Variants in ROR1 observed in about 807,000 individuals in gnomAD.
ROR1 encodes the protein inactive tyrosine-protein kinase transmembrane receptor ROR1.
A neutral mutation model predicts 78.8 loss-of-function variants in ROR1; 19 were observed. The observed-to-expected ratio is 0.24, with a 90% CI of 0.17 to 0.35. The LOEUF is 0.35. ROR1 is among the 10% of genes least tolerant of loss of function. The probability of loss-of-function intolerance (pLI) is 1.00; values close to 1 mark genes in which losing one functional copy is unlikely to be tolerated. For missense variants in ROR1, 917 were observed against 1,177.8 expected, an observed-to-expected ratio of 0.78 and a Z score of 3.24; for synonymous variants, 386 against 433.6, an observed-to-expected ratio of 0.89 and a Z score of 1.36.
chr1:64,000,257 C>T (rs1052835576), intron 1 of ROR1, among the ~76,000 whole-genome samples: 5 of 152,076 alleles, frequency 3.3e-5, no homozygotes, highest in African/African-American at 1.2e-4. Flanking sequence ...CCGAGATGTC[C>T]ACAGCTACTG....
intron 2 of ROR1, among the ~76,000 whole-genome samples, chr1:64,022,906 T>C (rs1557613532): frequency 1.3e-5 from 2 of 152,108 alleles, no homozygotes; most frequent in East Asian, 3.9e-4. Flanking sequence ...TTTTTGTTTG[T>C]GGGGGTTTTG....
At chr1:64,121,059 C>CTTTTTTTTTTTTTTTTTTTTTTTTTTTTT (rs200292093) in intron 4 of ROR1, among the ~76,000 whole-genome samples, 1 of 82,010 alleles carries the variant, frequency 1.2e-5, no homozygotes, top group Non-Finnish European at 2.2e-5. Context: ...GGAGATACCC[C>CTTTTTTTTTTTTTTTTTTTTTTTTTTTTT]TTTTTTTTTT....
chr1:63,844,687 T>A lies in ROR1; in HGVS notation c.91+70179T>A, dbSNP rs116725066. ...AGGTGAGAATTAGGCCCTATAGGAG[T>A]CCAGTGTAGGGAGTTTGCTTGTTGA... On this transcript the variant is annotated intron_variant, in intron 1 of 8. Transcript: ENST00000371079. 3.1e-3 allele frequency among the ~76,000 whole-genome samples: 476 copies of A among 151,990 alleles called. 2 individuals are homozygous for A. The highest frequency in any genetic ancestry group is 0.011 in the African/African-American group (455 of 41,436).
At chr1:63,934,025 G>C (rs1371182496) in intron 1 of ROR1, among the ~76,000 whole-genome samples, 1 of 152,214 alleles carries the variant, frequency 6.6e-6, no homozygotes, top group Non-Finnish European at 1.5e-5. Context: ...CCTCCAGCTA[G>C]CTGCTGCTTT....
intron 4 of ROR1, 40 bp from the exon 5 acceptor site, chr1:64,137,329 T>TG: frequency 6.2e-7 from 1 of 1,611,924 alleles, no homozygotes; most frequent in Non-Finnish European, 8.5e-7. Flanking sequence ...CCTGTATGTA[T>TG]GTGGTGCATC....
chr1:63,931,046 C>G (rs1645747208), intron 1 of ROR1, among the ~76,000 whole-genome samples: 1 of 152,124 alleles, frequency 6.6e-6, no homozygotes, highest in Non-Finnish European at 1.5e-5. Context: ...CCTGGGGAGG[C>G]CAAGAAAGGC....
At chr1:64,107,974 A>G (rs986891774) in intron 4 of ROR1, among the ~76,000 whole-genome samples, 1 of 152,058 alleles carries the variant, frequency 6.6e-6, no homozygotes, top group Non-Finnish European at 1.5e-5. Flanking sequence ...AATAAATGAC[A>G]TGTTTAATTA....
chr1:63,961,917 T>C (rs994701229), intron 1 of ROR1, among the ~76,000 whole-genome samples: 1 of 152,214 alleles, frequency 6.6e-6, no homozygotes, highest in Non-Finnish European at 1.5e-5. Flanking sequence ...TTGATCACTA[T>C]GCATTGTGTA....
At chr1:64,169,138 A>G (rs1390810676) in intron 8 of ROR1, among the ~76,000 whole-genome samples, 1 of 152,236 alleles carries the variant, frequency 6.6e-6, no homozygotes, top group African/African-American at 2.4e-5. Flanking sequence ...GCTTCCAAAG[A>G]GAAAAAGGAC....
At chr1:63,785,787 A>G (rs531374797) in intron 1 of ROR1, among the ~76,000 whole-genome samples, 24 of 152,222 alleles carry the variant, frequency 1.6e-4, no homozygotes, top group African/African-American at 5.8e-4. Context: ...CAGCTTCCCA[A>G]AGTGCTGGGA....
At chr1:63,843,489 G>A in intron 1 of ROR1, 1 of 761,564 alleles carries the variant, frequency 1.3e-6, no homozygotes, top group Admixed American at 1.8e-5. Flanking sequence ...GGTGGTGTAG[G>A]GGTCGTCGAT....
chr1:64,177,911 G>A lies in ROR1; in HGVS notation c.1870G>A (p.Gly624Arg), dbSNP rs55832740. ...CCTTGCAGCTCGCAATATTTTAATC[G>A]GAGAGCAACTTCATGTAAAGATTTC... ...KDLAARNILI[G>R]EQLHVKISDL... The change falls in exon 9 of 9, where the codon GGA becomes AGA. Residue 624 changes from glycine (G) to arginine (R), a missense_variant. Transcript: ENST00000371079. The A allele has an allele frequency of 2.2e-5, 36 of 1,613,990 alleles. No homozygotes were observed. Among genetic ancestry groups the A allele is most frequent in the South Asian group, 8.8e-5 (8 of 91,066 alleles).
chr1:64,145,065 T>G (rs1005781112), intron 7 of ROR1, among the ~76,000 whole-genome samples: 1 of 152,214 alleles, frequency 6.6e-6, no homozygotes. Context: ...TCAGTACACA[T>G]TATCTATTAT....
chr1:64,120,455 T>G (rs558253486), intron 4 of ROR1, among the ~76,000 whole-genome samples: 14 of 152,356 alleles, frequency 9.2e-5, no homozygotes, highest in African/African-American at 2.9e-4. Context: ...TCCAAAATAT[T>G]TTCATTTTAA....
chr1:63,942,313 C>T (rs1041396922), intron 1 of ROR1, among the ~76,000 whole-genome samples: 3 of 152,280 alleles, frequency 2.0e-5, no homozygotes, highest in East Asian at 1.9e-4. Context: ...CATGATTCTT[C>T]TCCTTCTCCT....
At chr1:64,107,488 G>A (rs1404525644) in intron 4 of ROR1, among the ~76,000 whole-genome samples, 1 of 152,236 alleles carries the variant, frequency 6.6e-6, no homozygotes. Context: ...CGTCTTTGCT[G>A]TTCCATCCTT....
At chr1:63,909,129 G>A (rs1461509980) in intron 1 of ROR1, among the ~76,000 whole-genome samples, 1 of 152,104 alleles carries the variant, frequency 6.6e-6, no homozygotes, top group African/African-American at 2.4e-5. Context: ...GCTCTATCTT[G>A]ATGTCTACCT....
At chr1:63,876,459 C>T (rs1027687009) in intron 1 of ROR1, among the ~76,000 whole-genome samples, 1 of 152,024 alleles carries the variant, frequency 6.6e-6, no homozygotes. Context: ...ATCCAACTAC[C>T]TAAAGTGAAA....
intron 4 of ROR1, among the ~76,000 whole-genome samples, chr1:64,125,221 T>G (rs545682213): frequency 6.6e-6 from 1 of 152,198 alleles, no homozygotes; most frequent in African/African-American, 2.4e-5. Flanking sequence ...ATAAAGTAGA[T>G]AGATGCACTG....
Sources: allele counts gnomAD v4.1 joint callset (sites outside exome capture counted in the v4.1 genomes callset), GRCh38; gene constraint gnomAD v4.1.1; transcripts MANE v1.5; gene names NCBI Gene and HGNC (gene_info 2026-07-23, HGNC 2026-07-21).